Variants in RTN4 observed in about 807,000 individuals in gnomAD.
RTN4 encodes reticulon 4.
A neutral mutation model predicts 90.4 loss-of-function variants in RTN4; 32 were observed. The observed-to-expected ratio is 0.35, with a 90% CI of 0.27 to 0.48. RTN4 has a LOEUF of 0.48. RTN4 is among the 20% of genes least tolerant of loss of function. The pLI is 0.99. For synonymous variants in RTN4, 629 were observed against 552.5 expected, an observed-to-expected ratio of 1.14 and a Z score of -1.94; for missense variants, 1,706 against 1,430.2, an observed-to-expected ratio of 1.19 and a Z score of -3.11.
Position 55,039,038 on chromosome 2 carries a change from C to T in RTN4, c.556+10707G>A, listed in dbSNP as rs188996551. Among the ~76,000 whole-genome samples the T allele has an allele frequency of 6.6e-5, 10 of 152,224 alleles. No homozygotes were observed. The East Asian group carries it at 1.2e-3, about 18-fold the overall frequency. ...TTCATATGATTGATGCTTTAAAATA[C>T]GTAAAACTAATCTATGATGAAAGAA... is the stretch of plus-strand genomic sequence containing the variant. On this transcript the variant is annotated intron_variant, in intron 1 of 8. Coordinates refer to ENST00000337526, the MANE Select transcript of RTN4 (RefSeq NM_020532.5).
intron 5 of RTN4, among the ~76,000 whole-genome samples, chr2:54,977,129 A>C (rs1471815583): frequency 7.3e-6 from 1 of 137,822 alleles, no homozygotes; most frequent in Non-Finnish European, 1.7e-5. Context: ...GTGCTTAGTA[A>C]GATCTCAGAA....
intron 1 of RTN4, among the ~76,000 whole-genome samples, chr2:55,109,281 T>C (rs768226178): frequency 4.6e-5 from 7 of 152,174 alleles, no homozygotes; most frequent in Non-Finnish European, 8.8e-5. Flanking sequence ...ACAAAGTCAC[T>C]GAACAGCCTG....
intron 3 of RTN4, among the ~76,000 whole-genome samples, chr2:55,022,107 A>G (rs1185100246): frequency 6.6e-6 from 1 of 152,208 alleles, no homozygotes; most frequent in African/African-American, 2.4e-5. Context: ...AACAAAAACA[A>G]TCCAAGAAAT....
In RTN4 at chr2:54,972,426, G is replaced by GTTA. The variant is rs34917480; in HGVS notation, c.*729_*730insTAA. 6.6e-6 allele frequency: 1 copy of GTTA among 152,496 alleles called. No homozygotes were observed. The highest frequency in any genetic ancestry group is 1.5e-5 in the Non-Finnish European group (1 of 67,994). 9.4% of individuals were successfully genotyped at this position (152,496 alleles called of 1,614,324 possible). On this transcript the variant is annotated 3_prime_UTR_variant, in exon 9 of 9. Coordinates refer to ENST00000337526, the MANE Select transcript of RTN4 (RefSeq NM_020532.5). ...CAGTCTGTGCAATGAAATTGATGTTGGAGTTCTATGTGTGTGGCATTTCAT... is the reference window on the plus strand; with the variant it reads ...CAGTCTGTGCAATGAAATTGATGTTGTTAGAGTTCTATGTGTGTGGCATTTCAT...
the RTN4 span, among the ~76,000 whole-genome samples, chr2:55,117,738 T>A: frequency 3.9e-5 from 6 of 152,144 alleles, no homozygotes; most frequent in Non-Finnish European, 5.9e-5. Flanking sequence ...GGCAAACTAC[T>A]CTGTGCTATG....
intron 3 of RTN4, among the ~76,000 whole-genome samples, chr2:55,000,319 T>G (rs1397050189): frequency 1.3e-5 from 2 of 152,102 alleles, no homozygotes; most frequent in African/African-American, 4.8e-5. Flanking sequence ...CTATCTCCTC[T>G]TCCTTTAACT....
chr2:55,013,618 G>GA (rs1680809239), intron 3 of RTN4, among the ~76,000 whole-genome samples: 3 of 109,540 alleles, frequency 2.7e-5, no homozygotes, highest in Admixed American at 9.9e-5. Context: ...TGGGGGGGGG[G>GA]GAGGGTGTAG....
At chr2:55,000,464 GACAA>G (rs1573345121) in intron 3 of RTN4, among the ~76,000 whole-genome samples, 1 of 152,232 alleles carries the variant, frequency 6.6e-6, no homozygotes. Context: ...CACTTTACAT[GACAA>G]ACAAATAGCA....
intron 1 of RTN4, among the ~76,000 whole-genome samples, chr2:55,045,512 T>C (rs1160832834): frequency 1.3e-5 from 2 of 152,242 alleles, no homozygotes; most frequent in African/African-American, 2.4e-5. Context: ...CCTTCCCACC[T>C]ATCTTGAATA....
chr2:55,064,048 C>A (rs1439770463), intron 2 of RTN4, among the ~76,000 whole-genome samples: 1 of 151,646 alleles, frequency 6.6e-6, no homozygotes, highest in Non-Finnish European at 1.5e-5. Context: ...AAGTGAGACC[C>A]TCTCTCCTCA....
At chr2:55,129,051 T>C in the RTN4 span, among the ~76,000 whole-genome samples, 2 of 141,776 alleles carry the variant, frequency 1.4e-5, no homozygotes. Flanking sequence ...GAGGTTGCAG[T>C]GAGCCGAGAT....
chr2:55,059,510 C>T (rs191460096), intron 2 of RTN4, among the ~76,000 whole-genome samples: 5 of 152,176 alleles, frequency 3.3e-5, no homozygotes, highest in Admixed American at 3.3e-4. Context: ...CGCACCACCA[C>T]ACCTGGCTAA....
chr2:55,086,799 C>G (rs1458333820), intron 1 of RTN4, among the ~76,000 whole-genome samples: 1 of 151,794 alleles, frequency 6.6e-6, no homozygotes, highest in Non-Finnish European at 1.5e-5. Context: ...CACTGTCAAC[C>G]AATTTTGCCT....
At chr2:55,056,712 CTG>C (rs1278832154) in intron 2 of RTN4, among the ~76,000 whole-genome samples, 1 of 151,516 alleles carries the variant, frequency 6.6e-6, no homozygotes, top group East Asian at 1.9e-4. Context: ...AATTATGTAA[CTG>C]TATTGCCTAT....
chr2:55,105,613 C>A (rs1667930379), intron 1 of RTN4, among the ~76,000 whole-genome samples: 1 of 152,054 alleles, frequency 6.6e-6, no homozygotes, highest in African/African-American at 2.4e-5. Flanking sequence ...AATATTTCCC[C>A]ATTCTCCCTT....
At chr2:55,098,096 T>C (rs1667780839) in intron 1 of RTN4, among the ~76,000 whole-genome samples, 1 of 152,114 alleles carries the variant, frequency 6.6e-6, no homozygotes, top group Non-Finnish European at 1.5e-5. Context: ...GGTATTTCTT[T>C]GTACTCCCTT....
upstream of RTN4, among the ~76,000 whole-genome samples, chr2:55,115,921 C>T (rs1668116521): frequency 6.6e-6 from 1 of 152,060 alleles, no homozygotes; most frequent in Non-Finnish European, 1.5e-5. Flanking sequence ...CTGCAGAATC[C>T]CAGCTCAGTG....
chr2:55,010,799 T>C (rs1478339382), intron 3 of RTN4, among the ~76,000 whole-genome samples: 9 of 152,176 alleles, frequency 5.9e-5, no homozygotes, highest in Non-Finnish European at 2.9e-5. Flanking sequence ...CAGAAAACTT[T>C]AGCAACTTAA....
chr2:55,137,516 C>A, the RTN4 span, among the ~76,000 whole-genome samples: 3 of 152,138 alleles, frequency 2.0e-5, no homozygotes, highest in Admixed American at 6.5e-5. Context: ...TGGTGACTGA[C>A]TAGATGGGAG....
Sources: gnomAD v4.1 joint callset for allele counts (sites outside exome capture counted in the v4.1 genomes callset) on GRCh38, gnomAD v4.1.1 for gene constraint, MANE v1.5 for transcripts, NCBI Gene and HGNC (gene_info 2026-07-23, HGNC 2026-07-21) for gene names.